MDGA2: variants seen among roughly 807,000 people sequenced by gnomAD.
MDGA2 encodes MAM domain-containing glycosylphosphatidylinositol anchor protein 2.
In MDGA2, 40 loss-of-function variants were observed where a neutral mutation model predicts 117.8. The ratio of observed to expected loss-of-function variants is 0.34; its 90% confidence interval spans 0.26 to 0.44. The LOEUF (loss-of-function observed/expected upper bound fraction) is 0.44. MDGA2 is among the 20% of genes least tolerant of loss of function. The probability of loss-of-function intolerance (pLI) is 1.00; values close to 1 mark genes in which losing one functional copy is unlikely to be tolerated. For missense variants in MDGA2, 1,123 were observed against 1,250.6 expected, an observed-to-expected ratio of 0.90 and a Z score of 1.54; for synonymous variants, 452 against 439.0, an observed-to-expected ratio of 1.03 and a Z score of -0.37.
chr14:46,864,912 T>C (rs1406473621), intron 14 of MDGA2, among the ~76,000 whole-genome samples: 1 of 152,018 alleles, frequency 6.6e-6, no homozygotes, highest in Non-Finnish European at 1.5e-5. Context: ...TACCTTAATA[T>C]TTTATATTTA....
intron 6 of MDGA2, among the ~76,000 whole-genome samples, chr14:47,076,223 T>A (rs1056870273): frequency 6.6e-6 from 1 of 152,060 alleles, no homozygotes; most frequent in South Asian, 2.1e-4. Context: ...TTATAACAGA[T>A]GAACTGTCTT....
intron 3 of MDGA2, among the ~76,000 whole-genome samples, chr14:47,213,927 AGTCG>A (rs1885982371): frequency 6.6e-6 from 1 of 152,140 alleles, no homozygotes; most frequent in Non-Finnish European, 1.5e-5. Flanking sequence ...CTTCTTCGCA[AGTCG>A]GCCGTGCTGA....
At chr14:47,558,750 G>T (rs1354345469) in intron 1 of MDGA2, among the ~76,000 whole-genome samples, 1 of 152,114 alleles carries the variant, frequency 6.6e-6, no homozygotes, top group African/African-American at 2.4e-5. Context: ...GGGCAGAGAA[G>T]AAATAGATAT....
At chr14:46,881,398 A>G (rs1882453609) in intron 11 of MDGA2, among the ~76,000 whole-genome samples, 1 of 152,174 alleles carries the variant, frequency 6.6e-6, no homozygotes, top group South Asian at 2.1e-4. Context: ...CTTTTCAGGC[A>G]GTGAAACTAT....
At chr14:47,313,604 T>C (rs1889712698) in intron 1 of MDGA2, among the ~76,000 whole-genome samples, 1 of 152,180 alleles carries the variant, frequency 6.6e-6, no homozygotes. Flanking sequence ...ACTCAAAATG[T>C]ACTTTCAAAA....
chr14:47,367,143 T>C (rs1891248567), intron 1 of MDGA2, among the ~76,000 whole-genome samples: 1 of 152,192 alleles, frequency 6.6e-6, no homozygotes, highest in Non-Finnish European at 1.5e-5. Context: ...TTATTCTTTA[T>C]TTTATGATAA....
At chr14:47,057,983 T>G (rs1018281993) in intron 7 of MDGA2, among the ~76,000 whole-genome samples, 5 of 152,098 alleles carry the variant, frequency 3.3e-5, no homozygotes, top group Admixed American at 6.6e-5. Context: ...TAAATTAGGA[T>G]TTACTTCCCT....
intron 8 of MDGA2, among the ~76,000 whole-genome samples, chr14:46,968,917 A>T (rs976035968): frequency 6.6e-6 from 1 of 152,122 alleles, no homozygotes; most frequent in African/African-American, 2.4e-5. Flanking sequence ...CAAAAAAATC[A>T]GTAGTGTTTC....
intron 6 of MDGA2, among the ~76,000 whole-genome samples, chr14:47,069,808 T>C (rs952198950): frequency 2.6e-5 from 4 of 152,190 alleles, no homozygotes; most frequent in Admixed American, 6.5e-5. Context: ...AAATATATGT[T>C]TTCATTTTAA....
chr14:47,157,667 C>A (rs1477207429), intron 3 of MDGA2, among the ~76,000 whole-genome samples: 1 of 147,832 alleles, frequency 6.8e-6, no homozygotes, highest in Non-Finnish European at 1.5e-5. Context: ...GTGTCCCCAC[C>A]CAAATCTCAT....
intron 14 of MDGA2, among the ~76,000 whole-genome samples, chr14:46,866,373 C>A (rs1220353189): frequency 2.0e-5 from 3 of 152,080 alleles, no homozygotes; most frequent in Non-Finnish European, 4.4e-5. Flanking sequence ...CTTCCTTACA[C>A]CTTATACAAA....
At chr14:47,221,049 TAGATA>T (rs1566687405) in intron 2 of MDGA2, among the ~76,000 whole-genome samples, 50 of 152,310 alleles carry the variant, frequency 3.3e-4, no homozygotes, top group African/African-American at 1.2e-3. Context: ...GGGCAGTTAA[TAGATA>T]TTCATTTAAT....
At chr14:47,090,772 C>T (rs1594609775) in intron 6 of MDGA2, among the ~76,000 whole-genome samples, 1 of 152,122 alleles carries the variant, frequency 6.6e-6, no homozygotes, top group African/African-American at 2.4e-5. Context: ...TACCTTGAAG[C>T]TGCCATGAGA....
intron 8 of MDGA2, among the ~76,000 whole-genome samples, chr14:47,000,333 T>TTTA (rs1887459127): frequency 3.9e-5 from 5 of 128,680 alleles, no homozygotes; most frequent in African/African-American, 1.1e-4. Context: ...ATATATATAT[T>TTTA]TATATATATA....
intron 1 of MDGA2, among the ~76,000 whole-genome samples, chr14:47,553,970 T>C (rs981749315): frequency 4.6e-5 from 7 of 152,234 alleles, no homozygotes; most frequent in Non-Finnish European, 1.0e-4. Context: ...TATTTTCGTC[T>C]GGGTTTTGTT....
At chr14:47,227,924 T>C (rs1566690923) in intron 2 of MDGA2, among the ~76,000 whole-genome samples, 1 of 152,166 alleles carries the variant, frequency 6.6e-6, no homozygotes, top group Non-Finnish European at 1.5e-5. Context: ...AAATTAGTAT[T>C]TGTAGTTCAG....
At chr14:47,358,854 G>A (rs914375181) in intron 1 of MDGA2, among the ~76,000 whole-genome samples, 4 of 152,052 alleles carry the variant, frequency 2.6e-5, no homozygotes, top group South Asian at 2.1e-4. Flanking sequence ...CCATGGATTC[G>A]GAAAACTAAT....
rs80266162 is a variant in MDGA2, at chr14:47,152,759, A to G, written c.596-8485T>C. Among the ~76,000 whole-genome samples the G allele has an allele frequency of 5.0e-3, 755 of 152,332 alleles. 4 individuals carry two copies. Among genetic ancestry groups the G allele is most frequent in the Non-Finnish European group, 7.7e-3 (522 of 68,018 alleles). On this transcript the variant is annotated intron_variant, in intron 3 of 16. Transcript: ENST00000399232. ...CTATAGAGATGTAAGCCAAATACAG[A>G]CAACTATTTCTTTCTGGAAAGAACA...
intron 1 of MDGA2, among the ~76,000 whole-genome samples, chr14:47,665,392 C>G (rs1365145063): frequency 6.6e-6 from 1 of 152,206 alleles, no homozygotes; most frequent in African/African-American, 2.4e-5. Context: ...GCTGGCAGCC[C>G]TCACAACCCT....
Sources: allele counts gnomAD v4.1 joint callset (sites outside exome capture counted in the v4.1 genomes callset), GRCh38; gene constraint gnomAD v4.1.1; transcripts MANE v1.5; gene names NCBI Gene and HGNC (gene_info 2026-07-23, HGNC 2026-07-21).